Variants in ARHGAP6 observed in about 807,000 individuals in gnomAD.
ARHGAP6 encodes rho GTPase-activating protein 6.
In ARHGAP6, 16 loss-of-function variants were observed where a neutral mutation model predicts 55.7. The ratio of observed to expected loss-of-function variants is 0.29; its 90% CI spans 0.19 to 0.44. The LOEUF (loss-of-function observed/expected upper bound fraction) is 0.44, where lower values mean the gene tolerates loss of function less well. ARHGAP6 is among the 20% of genes least tolerant of loss of function. The pLI is 1.00. For synonymous variants in ARHGAP6, 382 were observed against 360.9 expected (o/e 1.06, Z -0.66); for missense variants, 698 against 808.9 (o/e 0.86, Z 1.66).
chrX:11,474,864 T>C (rs1025517705), intron 1 of ARHGAP6, among the ~76,000 whole-genome samples: 3 of 110,664 alleles, frequency 2.7e-5, no homozygotes, highest in Non-Finnish European at 5.7e-5. Context: ...GAATTATTTT[T>C]CCCAAAAATG....
At chrX:11,661,236 T>TG in intron 1 of ARHGAP6, among the ~76,000 whole-genome samples, 1 of 112,516 alleles carries the variant, frequency 8.9e-6, no homozygotes. Context: ...GGGCAGAGCT[T>TG]GGCTGCTAAG....
chrX:11,454,801 C>T (rs1052959786), intron 1 of ARHGAP6, among the ~76,000 whole-genome samples: 1 of 112,238 alleles, frequency 8.9e-6, no homozygotes, highest in Non-Finnish European at 1.9e-5. Flanking sequence ...TGGGATGAGA[C>T]GGATCTCATG....
chrX:11,230,503 G>A (rs988880008), intron 2 of ARHGAP6, among the ~76,000 whole-genome samples: 2 of 110,986 alleles, frequency 1.8e-5, no homozygotes, highest in African/African-American at 6.6e-5. Context: ...GCCAAAAGTT[G>A]ATATTTATGT....
At chrX:11,304,777 CTTTTTTTTTTTTTTTTT>C (rs953912280) in intron 1 of ARHGAP6, among the ~76,000 whole-genome samples, 66 of 50,285 alleles carry the variant, frequency 1.3e-3, no homozygotes, top group Non-Finnish European at 2.4e-3. Context: ...CTTTCTTTTA[CTTTTTTTTTTTTTTTTT>C]TTTTTTTTTT....
At chrX:11,376,809 G>A (rs749521498) in intron 1 of ARHGAP6, among the ~76,000 whole-genome samples, 2 of 111,421 alleles carry the variant, frequency 1.8e-5, no homozygotes, top group Non-Finnish European at 3.8e-5. Flanking sequence ...TCTAAGACCT[G>A]TGGAATATAA....
At chrX:11,282,903 A>C (rs1347163334) in intron 1 of ARHGAP6, among the ~76,000 whole-genome samples, 4 of 112,369 alleles carry the variant, frequency 3.6e-5, no homozygotes, top group Non-Finnish European at 7.5e-5. Context: ...ATGTAAAGAG[A>C]CTCAATACCA....
chrX:11,360,774 A>T (rs2034925947), intron 1 of ARHGAP6, among the ~76,000 whole-genome samples: 2 of 111,590 alleles, frequency 1.8e-5, no homozygotes, highest in Admixed American at 9.5e-5. Context: ...TCTCAGCCCA[A>T]AATCTCCTTA....
chrX:11,451,969 C>T (rs912440826), intron 1 of ARHGAP6, among the ~76,000 whole-genome samples: 2 of 111,628 alleles, frequency 1.8e-5, no homozygotes, highest in African/African-American at 6.5e-5. Flanking sequence ...ACGTATCAAC[C>T]CCTGACCCCA....
intron 1 of ARHGAP6, among the ~76,000 whole-genome samples, chrX:11,267,408 A>C (rs1442672113): frequency 8.9e-6 from 1 of 111,776 alleles, no homozygotes; most frequent in African/African-American, 3.3e-5. Context: ...ACAGATGAGG[A>C]AACAGAAGCG....
At chrX:11,373,104 C>T (rs2049164370) in intron 1 of ARHGAP6, among the ~76,000 whole-genome samples, 1 of 107,768 alleles carries the variant, frequency 9.3e-6, no homozygotes, top group Non-Finnish European at 1.9e-5. Context: ...AACACACACA[C>T]ACACACACAC....
At chrX:11,657,551 G>A (rs144075256) in intron 1 of ARHGAP6, among the ~76,000 whole-genome samples, 30 of 110,638 alleles carry the variant, frequency 2.7e-4, no homozygotes, top group African/African-American at 9.2e-4. Flanking sequence ...AACATGTTCA[G>A]AGGAAATGGG....
Position 11,415,221 on chromosome X carries a change from A to G in ARHGAP6, c.589-160514T>C, listed in dbSNP as rs139909573. ...TGGTTTCTTTTTGATAGTTTGAGGA[A>G]CCAGAGCTGCTACACACAAGGAAAC... On this transcript the variant is annotated intron_variant, in intron 1 of 12. Coordinates refer to ENST00000337414, the MANE Select transcript of ARHGAP6 (RefSeq NM_013427.3). Among the ~76,000 whole-genome samples the G allele has an allele frequency of 4.3e-3, 487 of 112,015 alleles. 1 individual carries two copies. The highest frequency in any genetic ancestry group is 0.015 in the African/African-American group (467 of 30,908).
chrX:11,198,493 G>A (rs977765124), intron 2 of ARHGAP6, among the ~76,000 whole-genome samples: 1 of 111,835 alleles, frequency 8.9e-6, no homozygotes, highest in East Asian at 2.8e-4. Flanking sequence ...GGCCTTACAG[G>A]TCTTTTACTC....
At chrX:11,350,594 T>G (rs1230046148) in intron 1 of ARHGAP6, among the ~76,000 whole-genome samples, 1 of 112,513 alleles carries the variant, frequency 8.9e-6, no homozygotes, top group African/African-American at 3.2e-5. Flanking sequence ...ACATTTTAGT[T>G]GATTTACACT....
chrX:11,450,203 AGTGTGTGTGTGT>A (rs34050296), intron 1 of ARHGAP6, among the ~76,000 whole-genome samples: 35 of 90,166 alleles, frequency 3.9e-4, no homozygotes, highest in East Asian at 6.9e-4. Flanking sequence ...ACAAATAATA[AGTGTGTGTGTGT>A]GTGTGTGTGT....
chrX:11,351,577 T>A, intron 1 of ARHGAP6: 1 of 754,125 alleles, frequency 1.3e-6, no homozygotes, highest in Non-Finnish European at 1.6e-6. Context: ...ACCGCCTCAG[T>A]ACTGTCTTCC....
chrX:11,515,241 T>A (rs925136467), intron 1 of ARHGAP6, among the ~76,000 whole-genome samples: 4 of 112,308 alleles, frequency 3.6e-5, no homozygotes, highest in Non-Finnish European at 7.5e-5. Context: ...ATGTGTTTCA[T>A]GCAGAAGGAA....
chrX:11,543,045 G>A (rs1280801835), intron 1 of ARHGAP6, among the ~76,000 whole-genome samples: 1 of 112,074 alleles, frequency 8.9e-6, no homozygotes, highest in Non-Finnish European at 1.9e-5. Flanking sequence ...GTATTTGGGA[G>A]TAATCAAACA....
At chrX:11,473,229 T>C (rs1378424583) in intron 1 of ARHGAP6, among the ~76,000 whole-genome samples, 1 of 111,256 alleles carries the variant, frequency 9.0e-6, no homozygotes, top group African/African-American at 3.3e-5. Context: ...ACATGGTACA[T>C]ACAGGGGTCA....
Sources: gnomAD v4.1 joint callset for allele counts (sites outside exome capture counted in the v4.1 genomes callset) on GRCh38, gnomAD v4.1.1 for gene constraint, MANE v1.5 for transcripts, NCBI Gene and HGNC (gene_info 2026-07-23, HGNC 2026-07-21) for gene names.